Variants in JAK1 observed in about 807,000 individuals in gnomAD.
JAK1 encodes the protein Janus kinase 1, also known as tyrosine-protein kinase JAK1.
JAK1 carries 16 observed loss-of-function variants against 136.6 expected under a neutral mutation model. That is an observed-to-expected ratio of 0.12 (90% CI 0.08 to 0.18). The LOEUF (loss-of-function observed/expected upper bound fraction) is 0.18. JAK1 is among the 10% of genes least tolerant of loss of function. The pLI, the probability that JAK1 is intolerant of heterozygous loss-of-function variation, is 1.00. For missense variants in JAK1, 859 were observed against 1,450.1 expected (o/e 0.59, Z 6.62); for synonymous variants, 492 against 519.5 (o/e 0.95, Z 0.72).
intron 2 of JAK1, among the ~76,000 whole-genome samples, chr1:65,014,391 A>C (rs1376232593): frequency 3.3e-5 from 5 of 151,908 alleles, no homozygotes; most frequent in African/African-American, 1.2e-4. Flanking sequence ...AAGGGAAAAA[A>C]GGAGGAAAAG....
chr1:65,038,938 T>TTGTGTGTGTGTGTGTGTGTGTGTG lies in JAK1; in HGVS notation c.-78+5518_-78+5541dup, dbSNP rs150814115. Among the ~76,000 whole-genome samples the TTGTGTGTGTGTGTGTGTGTGTGTG allele has an allele frequency of 3.9e-3, 581 of 147,904 alleles. 2 individuals carry two copies. The highest frequency in any genetic ancestry group is 8.7e-3 in the African/African-American group (349 of 40,230). On this transcript the variant is annotated intron_variant, in intron 2 of 25. Coordinates refer to the JAK1 transcript ENST00000671954. ...CAGGCGTGAGCCACCGCACCCAGTC[T>TTGTGTGTGTGTGTGTGTGTGTGTG]TGTGTGTGTGTGTGTGTGTGTGTGT...
At chr1:64,909,046 T>G (rs1436131721) in intron 1 of JAK1, among the ~76,000 whole-genome samples, 1 of 152,170 alleles carries the variant, frequency 6.6e-6, no homozygotes, top group Non-Finnish European at 1.5e-5. Flanking sequence ...AGAACTGAGA[T>G]TCTACTGCTA....
intron 1 of JAK1, among the ~76,000 whole-genome samples, chr1:64,891,584 T>C (rs562889714): frequency 2.6e-5 from 4 of 152,120 alleles, no homozygotes; most frequent in Admixed American, 1.3e-4. Context: ...CAGCCTAACC[T>C]ACACAACAAG....
Position 65,024,969 on chromosome 1 carries a change from C to T in JAK1, c.-78+19511G>A, listed in dbSNP as rs1006953761. Among the ~76,000 whole-genome samples the T allele has an allele frequency of 6.6e-5, 10 of 152,074 alleles. 1 individual carries two copies. Among genetic ancestry groups the T allele is most frequent in the Admixed American group, 2.0e-4 (3 of 15,260 alleles). On this transcript the variant is annotated intron_variant, in intron 2 of 25. Coordinates refer to the JAK1 transcript ENST00000671954. Reference sequence around the variant, plus strand: ...TCTAGCCTGGACAACAAGAGCGAAACTCTGTCTCAAAAAAAAAAGTGACAC... The same window carrying T: ...TCTAGCCTGGACAACAAGAGCGAAATTCTGTCTCAAAAAAAAAAGTGACAC...
At chr1:65,053,972 G>A (rs985174504) in intron 1 of JAK1, among the ~76,000 whole-genome samples, 1 of 152,220 alleles carries the variant, frequency 6.6e-6, no homozygotes, top group Non-Finnish European at 1.5e-5. Flanking sequence ...CCAACTCTGT[G>A]TAGTATGATC....
chr1:65,021,780 T>A (rs561803413), intron 2 of JAK1, among the ~76,000 whole-genome samples: 1 of 152,158 alleles, frequency 6.6e-6, no homozygotes, highest in African/African-American at 2.4e-5. Flanking sequence ...TTCCATTTCA[T>A]TGGAACCATG....
intron 1 of JAK1, among the ~76,000 whole-genome samples, chr1:64,929,773 T>G (rs148588449): frequency 6.6e-6 from 1 of 152,310 alleles, no homozygotes; most frequent in East Asian, 1.9e-4. Context: ...ACTACCTGAC[T>G]TCAAACTATA....
rs1656201047 is a variant in JAK1 at position 64,860,227 on chromosome 1, G to A, written c.1212C>T (p.Ser404=). 1 of 1,609,928 alleles carries A rather than the reference G, an allele frequency of 6.2e-7. No homozygotes were observed. The highest frequency in any genetic ancestry group is 8.5e-7 in the Non-Finnish European group (1 of 1,177,098). ...AGTAGCCATCTACCAGGGACACAAA[G>A]GACAAGGCCTCCTCGTGGGAAGAGA... ...LKLSSHEEAL[S]FVSLVDGYFR... is the part of the protein sequence containing the mutation. The change falls in exon 9 of 25, where the codon TCC becomes TCT. Residue 404 remains serine (S), a synonymous_variant. Coordinates refer to ENST00000342505, the MANE Select transcript of JAK1 (RefSeq NM_002227.4).
At chr1:65,033,513 G>T (rs1647041761) in intron 2 of JAK1, among the ~76,000 whole-genome samples, 1 of 151,892 alleles carries the variant, frequency 6.6e-6, no homozygotes, top group Non-Finnish European at 1.5e-5. Flanking sequence ...CAGAACTAGT[G>T]ACTGAATACA....
At position 64,846,696 on chromosome 1, in the gene JAK1, T is replaced by G; in HGVS notation, c.1940A>C (p.His647Pro). Residue 647 changes from histidine to proline, a missense_variant, in exon 14 of 25, where the codon CAC becomes CCC. Around this residue, in one of 4 missense-constraint regions of JAK1, gnomAD observed 409 missense variants for 753.8 expected, o/e 0.54. Transcript: ENST00000342505. ...EAASMMRQVS[H>P]KHIVYLYGVC... is the part of the protein sequence containing the mutation. Reference sequence around the variant, plus strand: ...GCCATAGAGGTACACGATGTGTTTGTGGGAGACCTGTCTCATCATGCTGGC... The same window carrying G: ...GCCATAGAGGTACACGATGTGTTTGGGGGAGACCTGTCTCATCATGCTGGC... 6.2e-7 allele frequency: 1 copy of G among 1,614,124 alleles called. No homozygotes were observed. The highest frequency in any genetic ancestry group is 8.5e-7 in the Non-Finnish European group (1 of 1,180,024).
At chr1:64,937,849 A>G (rs1462809836) in intron 1 of JAK1, among the ~76,000 whole-genome samples, 1 of 152,150 alleles carries the variant, frequency 6.6e-6, no homozygotes, top group African/African-American at 2.4e-5. Flanking sequence ...AATTACTCTC[A>G]CTGTAAAAGT....
intron 1 of JAK1, among the ~76,000 whole-genome samples, chr1:64,944,870 G>C (rs1645955992): frequency 6.6e-6 from 1 of 151,856 alleles, no homozygotes; most frequent in African/African-American, 2.4e-5. Flanking sequence ...TTTGTAAAAA[G>C]TTATGAAATT....
At chr1:64,893,684 TA>T (rs1557670107) in intron 1 of JAK1, among the ~76,000 whole-genome samples, 1 of 152,214 alleles carries the variant, frequency 6.6e-6, no homozygotes, top group Non-Finnish European at 1.5e-5. Context: ...GCAAGGCTTT[TA>T]AAAAGCTTAA....
At chr1:64,948,021 G>T (rs1646019018) in intron 1 of JAK1, among the ~76,000 whole-genome samples, 1 of 152,052 alleles carries the variant, frequency 6.6e-6, no homozygotes, top group Non-Finnish European at 1.5e-5. Flanking sequence ...GCCTGAAATT[G>T]AGGTTTTGGG....
intron 1 of JAK1, among the ~76,000 whole-genome samples, chr1:64,940,557 TC>T (rs1488609706): frequency 6.6e-6 from 1 of 152,122 alleles, no homozygotes; most frequent in African/African-American, 2.4e-5. Flanking sequence ...GCTCAAGTGA[TC>T]TGCCCACCTC....
At chr1:65,014,283 AT>A (rs1242753702) in intron 2 of JAK1, among the ~76,000 whole-genome samples, 1 of 152,106 alleles carries the variant, frequency 6.6e-6, no homozygotes, top group African/African-American at 2.4e-5. Flanking sequence ...GAACCTATTA[AT>A]GAAATTAATT....
chr1:64,968,698 G>A (rs140357985), upstream of JAK1, among the ~76,000 whole-genome samples: 367 of 152,230 alleles, frequency 2.4e-3, 6 homozygotes, highest in East Asian at 0.035. Flanking sequence ...TTGGGAGGCC[G>A]AGGTGGGCCA....
chr1:64,840,630 A>AGG (rs1464570948), intron 19 of JAK1, among the ~76,000 whole-genome samples: 2 of 152,148 alleles, frequency 1.3e-5, no homozygotes, highest in African/African-American at 4.8e-5. Flanking sequence ...GGAGTCTGAG[A>AGG]GCAGCCTAGT....
In JAK1 at chr1:64,844,111, T is replaced by C. The variant is rs1182111023; in HGVS notation, c.2356A>G (p.Ile786Val). 1.2e-6 allele frequency: 2 copies of C among 1,614,222 alleles called. 1 individual carries two copies. The highest frequency in any genetic ancestry group is 2.2e-5 in the South Asian group (2 of 91,086). Residue 786 changes from isoleucine (I) to valine (V), a missense_variant, in exon 17 of 25, where the codon ATC becomes GTC. Transcript: ENST00000342505. The surrounding 1 kb of genome is among the most constrained non-coding windows in gnomAD (Gnocchi z 5.7). ...KWSFGTTLWEICYNGEIPLKD... is the reference protein window; with the variant it reads ...KWSFGTTLWEVCYNGEIPLKD... Reference sequence around the variant, plus strand: ...AAGGGGATCTCGCCATTGTAGCAGATTTCCCAGAGCGTGGTTCCAAAGCTC... The same window carrying C: ...AAGGGGATCTCGCCATTGTAGCAGACTTCCCAGAGCGTGGTTCCAAAGCTC...
Sources: allele counts gnomAD v4.1 joint callset (sites outside exome capture counted in the v4.1 genomes callset), GRCh38; gene constraint gnomAD v4.1.1; regional missense constraint gnomAD v4.1.1; non-coding constraint Gnocchi (gnomAD v3.1); transcripts MANE v1.5; gene names NCBI Gene and HGNC (gene_info 2026-07-23, HGNC 2026-07-21).